The following SBF2 variants were observed in gnomAD, a reference collection of about 807,000 sequenced individuals.
SBF2 encodes the protein SET binding factor 2.
In SBF2, 112 loss-of-function variants were observed where a neutral mutation model predicts 225.2. That is an observed-to-expected ratio of 0.50 (90% CI 0.43 to 0.58). The LOEUF (loss-of-function observed/expected upper bound fraction) is 0.58. SBF2 is among the 20% of genes least tolerant of loss of function. The probability of loss-of-function intolerance (pLI) is 0.00; values close to 1 mark genes in which losing one functional copy is unlikely to be tolerated. For synonymous variants in SBF2, 763 were observed against 773.3 expected (o/e 0.99, Z 0.22); for missense variants, 1,996 against 2,206.2 (o/e 0.90, Z 1.91).
At chr11:10,265,060 A>G (rs1036792976) in intron 1 of SBF2, among the ~76,000 whole-genome samples, 4 of 152,128 alleles carry the variant, frequency 2.6e-5, no homozygotes, top group Admixed American at 1.3e-4. Flanking sequence ...ATGTGTCTTT[A>G]CAGCAGAATG....
Position 9,978,583 on chromosome 11 carries a change from A to G in SBF2, c.1396-10038T>C, listed in dbSNP as rs150975514. On this transcript the variant is annotated intron_variant, in intron 13 of 39. Transcript: ENST00000256190. Reference sequence around the variant, plus strand: ...ATAATACTTCACGATGATCACTTTTAAAGTGTCAATTTTAAAGAATAGGGA... The same window carrying G: ...ATAATACTTCACGATGATCACTTTTGAAGTGTCAATTTTAAAGAATAGGGA... Among the ~76,000 whole-genome samples the G allele has an allele frequency of 3.9e-3, 595 of 152,308 alleles. 3 individuals are homozygous for G. Among genetic ancestry groups the G allele is most frequent in the African/African-American group, 0.014 (563 of 41,556 alleles).
intron 32 of SBF2, among the ~76,000 whole-genome samples, chr11:9,800,264 AT>A (rs1281639047): frequency 6.6e-6 from 1 of 151,818 alleles, no homozygotes; most frequent in Non-Finnish European, 1.5e-5. Flanking sequence ...TTGTTTTCTT[AT>A]TATTGAATTT....
At chr11:10,180,433 G>C (rs1956691548) in intron 2 of SBF2, among the ~76,000 whole-genome samples, 3 of 152,050 alleles carry the variant, frequency 2.0e-5, no homozygotes, top group Admixed American at 2.0e-4. Flanking sequence ...GAAATAATCT[G>C]CTGTCAGACA....
intron 13 of SBF2, among the ~76,000 whole-genome samples, chr11:9,981,909 G>C (rs962110517): frequency 2.0e-5 from 3 of 152,040 alleles, no homozygotes; most frequent in African/African-American, 7.3e-5. Context: ...CTTTTCCCTG[G>C]AGGACTATAG....
At chr11:9,933,403 T>C (rs948380184) in intron 16 of SBF2, among the ~76,000 whole-genome samples, 3 of 152,130 alleles carry the variant, frequency 2.0e-5, no homozygotes, top group Non-Finnish European at 4.4e-5. Flanking sequence ...GACCACATAA[T>C]TGGAAGTAAA....
At chr11:10,227,245 C>T (rs931231780) in intron 1 of SBF2, among the ~76,000 whole-genome samples, 6 of 152,228 alleles carry the variant, frequency 3.9e-5, no homozygotes, top group East Asian at 1.9e-4. Context: ...GAGTAGGTTG[C>T]AAAAATTTTC....
chr11:10,206,632 TATC>T (rs1313875532), intron 1 of SBF2, among the ~76,000 whole-genome samples: 3 of 151,860 alleles, frequency 2.0e-5, no homozygotes, highest in Non-Finnish European at 2.9e-5. Context: ...AAAATAGAAA[TATC>T]AGCACAGAAA....
chr11:9,788,009 A>G (rs1184522975), intron 35 of SBF2: 2 of 465,600 alleles, frequency 4.3e-6, no homozygotes, highest in African/African-American at 4.0e-5. Context: ...TGAAATATGT[A>G]TCTCAGACAT....
At chr11:10,094,527 G>GTTTTTTTTTTTTTTT (rs1565222159) in intron 2 of SBF2, among the ~76,000 whole-genome samples, 3 of 71,666 alleles carry the variant, frequency 4.2e-5, no homozygotes, top group East Asian at 4.5e-4. Context: ...AATACACACA[G>GTTTTTTTTTTTTTTT]ATTTTTTTTT....
chr11:10,201,437 G>A (rs1957565624), intron 1 of SBF2, among the ~76,000 whole-genome samples: 1 of 152,178 alleles, frequency 6.6e-6, no homozygotes, highest in Non-Finnish European at 1.5e-5. Flanking sequence ...GAAAATAAAA[G>A]CTGCTCATTC....
At chr11:10,239,717 G>GT (rs1168919308) in intron 1 of SBF2, among the ~76,000 whole-genome samples, 1 of 137,002 alleles carries the variant, frequency 7.3e-6, no homozygotes, top group Non-Finnish European at 1.7e-5. Flanking sequence ...ACAAAAGACC[G>GT]TGACGTCACA....
At chr11:10,174,301 C>CAG (rs1956356925) in intron 2 of SBF2, among the ~76,000 whole-genome samples, 1 of 152,098 alleles carries the variant, frequency 6.6e-6, no homozygotes, top group Non-Finnish European at 1.5e-5. Flanking sequence ...ATAACCAATA[C>CAG]AGAGAAGTGC....
At chr11:9,828,430 C>T (rs1200895901) in intron 28 of SBF2, 1 of 985,146 alleles carries the variant, frequency 1.0e-6, no homozygotes, top group African/African-American at 1.7e-5. Flanking sequence ...TTAGGTTTGG[C>T]AAGTGCAATC....
In SBF2 at chr11:9,789,177, T is replaced by C. The variant is rs1157545020; in HGVS notation, c.4864A>G (p.Arg1622Gly). 3 of 1,614,114 alleles carry C rather than the reference T, an allele frequency of 1.9e-6. No homozygotes were observed. In the African/African-American group the frequency reaches 4.0e-5, roughly 22 times the overall value. Reference protein sequence around the residue: ...AGEAGPRSQRRTVWPCYDDVS... With the variant: ...AGEAGPRSQRGTVWPCYDDVS... The stretch of plus-strand genomic sequence containing the variant: ...TCATCATAGCATGGCCACACTGTTC[T>C]CCTCTGGCTCCGTGGCCCAGCTTCT... Residue 1622 changes from arginine (R) to glycine (G), a missense_variant, in exon 35 of 40, where the codon AGA (arginine) becomes GGA (glycine). Transcript: ENST00000256190.
chr11:10,303,829 G>A lies in SBF2; in HGVS notation n.386+663C>T, dbSNP rs1021578956. The A allele has an allele frequency of 6.6e-6, 1 of 152,386 alleles. No homozygotes were observed. The highest frequency in any genetic ancestry group is 1.5e-5 in the Non-Finnish European group (1 of 68,160). 9.4% of individuals were successfully genotyped at this position (152,386 alleles called of 1,614,324 possible). A position where few individuals can be genotyped will look rare whatever the true frequency, so the allele number is the denominator to read the frequency against. ...CTTTCCTTCCCAGTTTGGCCCCCAGGAGAGAAGTAAGAAAGAGAAGAAGCT... is the reference window on the plus strand; with the variant it reads ...CTTTCCTTCCCAGTTTGGCCCCCAGAAGAGAAGTAAGAAAGAGAAGAAGCT... On this transcript the variant is annotated intron_variant and non_coding_transcript_variant, in intron 1 of 5. Coordinates refer to the SBF2 transcript ENST00000685217. The surrounding 1 kb of genome is among the most constrained non-coding windows in gnomAD (Gnocchi z 5.2).
intron 2 of SBF2, among the ~76,000 whole-genome samples, chr11:10,071,844 G>A (rs902543616): frequency 5.9e-5 from 9 of 152,144 alleles, no homozygotes; most frequent in African/African-American, 2.2e-4. Context: ...CAGGGATGAA[G>A]CTGACTTGAT....
At chr11:10,051,774 G>A (rs1262224409) in intron 2 of SBF2, among the ~76,000 whole-genome samples, 1 of 151,990 alleles carries the variant, frequency 6.6e-6, no homozygotes, top group Admixed American at 6.6e-5. Context: ...GAAAAGAAAT[G>A]ACCCTAACCT....
chr11:9,814,278 A>G (rs1359719510), intron 29 of SBF2, among the ~76,000 whole-genome samples: 4 of 152,214 alleles, frequency 2.6e-5, no homozygotes, highest in Admixed American at 6.5e-5. Flanking sequence ...AAATTACTCT[A>G]TTGGACCATC....
chr11:10,037,377 A>G (rs1949480897), intron 3 of SBF2, among the ~76,000 whole-genome samples: 1 of 152,142 alleles, frequency 6.6e-6, no homozygotes, highest in Non-Finnish European at 1.5e-5. Context: ...AATAAGACCT[A>G]AGAATTAGTC....
Sources: allele counts gnomAD v4.1 joint callset (sites outside exome capture counted in the v4.1 genomes callset), GRCh38; gene constraint gnomAD v4.1.1; non-coding constraint Gnocchi (gnomAD v3.1); transcripts MANE v1.5; gene names NCBI Gene and HGNC (gene_info 2026-07-23, HGNC 2026-07-21).